The following WWOX variants were observed in gnomAD, a reference collection of about 807,000 sequenced individuals.
WWOX encodes the protein WW domain-containing oxidoreductase.
In WWOX, 69 loss-of-function variants were observed where a neutral mutation model predicts 46.2. That is an observed-to-expected ratio of 1.49 (90% CI 1.23 to 1.82). WWOX has a LOEUF of 1.82. Among genes scored for constraint, WWOX ranks in the 40% most tolerant of loss-of-function variants. WWOX has a pLI of 0.00. For missense variants in WWOX, 919 were observed against 542.6 expected (o/e 1.69, Z -6.89); for synonymous variants, 359 against 202.6 (o/e 1.77, Z -6.56).
intron 8 of WWOX, among the ~76,000 whole-genome samples, chr16:78,823,759 C>T (rs1040497175): frequency 6.7e-6 from 1 of 149,866 alleles, no homozygotes; most frequent in African/African-American, 2.5e-5. Flanking sequence ...GGATTGGCTA[C>T]CCTGAGCTTT....
intron 5 of WWOX, among the ~76,000 whole-genome samples, chr16:78,372,575 C>T (rs2151922658): frequency 6.6e-6 from 1 of 152,300 alleles, no homozygotes; most frequent in South Asian, 2.1e-4. Flanking sequence ...GTCCATTATC[C>T]TCCATGGTCC....
intron 8 of WWOX, among the ~76,000 whole-genome samples, chr16:78,882,055 G>C (rs989952188): frequency 6.7e-6 from 1 of 150,156 alleles, no homozygotes; most frequent in African/African-American, 2.5e-5. Context: ...GAGCCCGGGA[G>C]ACGGAGGTTG....
chr16:78,267,835 G>T (rs1023021518), intron 5 of WWOX, among the ~76,000 whole-genome samples: 1 of 151,966 alleles, frequency 6.6e-6, no homozygotes, highest in Non-Finnish European at 1.5e-5. Flanking sequence ...TGCCTGCCGG[G>T]TTCAAGTGAT....
intron 8 of WWOX, among the ~76,000 whole-genome samples, chr16:78,934,162 C>T (rs904134163): frequency 5.9e-5 from 9 of 151,624 alleles, no homozygotes; most frequent in South Asian, 2.1e-4. Flanking sequence ...GGTGAAACCC[C>T]GTCTCTACTA....
intron 8 of WWOX, among the ~76,000 whole-genome samples, chr16:78,590,708 A>G (rs77974348): frequency 0.01 from 1,568 of 152,268 alleles, 27 homozygotes; most frequent in African/African-American, 0.036. Flanking sequence ...GCACATCTCT[A>G]CGTTGTTGAC....
At chr16:78,625,139 T>C (rs371137132) in intron 8 of WWOX, among the ~76,000 whole-genome samples, 40 of 152,300 alleles carry the variant, frequency 2.6e-4, no homozygotes, top group African/African-American at 9.4e-4. Flanking sequence ...ACTAAAACTT[T>C]GCTGGAGAAC....
At chr16:78,747,454 C>G (rs1443832923) in intron 8 of WWOX, among the ~76,000 whole-genome samples, 1 of 152,148 alleles carries the variant, frequency 6.6e-6, no homozygotes, top group Non-Finnish European at 1.5e-5. Context: ...AAATACCCAT[C>G]ATTTATGAAG....
chr16:79,149,455 A>G (rs9924268), intron 8 of WWOX, among the ~76,000 whole-genome samples: 52,249 of 151,906 alleles, frequency 0.34, 9,233 homozygotes, highest in East Asian at 0.48. Context: ...ATAGCTCACC[A>G]ACTTTTATTC....
intron 5 of WWOX, among the ~76,000 whole-genome samples, chr16:78,248,163 G>A (rs1048018430): frequency 7.9e-5 from 12 of 152,258 alleles, no homozygotes; most frequent in African/African-American, 2.9e-4. Context: ...CAGTTCCACA[G>A]GCTGTACAGG....
chr16:79,055,453 G>A (rs1187698585), intron 8 of WWOX, among the ~76,000 whole-genome samples: 1 of 152,084 alleles, frequency 6.6e-6, no homozygotes, highest in East Asian at 1.9e-4. Flanking sequence ...CCATGTTGAA[G>A]GAAGCCCAGC....
chr16:78,988,290 GC>G (rs1342784531), intron 8 of WWOX, among the ~76,000 whole-genome samples: 1 of 150,668 alleles, frequency 6.6e-6, no homozygotes, highest in Non-Finnish European at 1.5e-5. Context: ...GTTGCAGTGA[GC>G]CAAGATCACG....
chr16:79,151,257 C>A (rs1490547422), intron 8 of WWOX, among the ~76,000 whole-genome samples: 1 of 152,168 alleles, frequency 6.6e-6, no homozygotes, highest in Non-Finnish European at 1.5e-5. Flanking sequence ...CGGTGGTTGA[C>A]TTTTCACTGC....
intron 5 of WWOX, among the ~76,000 whole-genome samples, chr16:78,336,626 C>A (rs2080895406): frequency 6.6e-6 from 1 of 151,542 alleles, no homozygotes; most frequent in South Asian, 2.1e-4. Context: ...CCCATCTGTA[C>A]TTTGGGAGGT....
chr16:78,894,266 C>G (rs1300915467), intron 8 of WWOX, among the ~76,000 whole-genome samples: 1 of 152,064 alleles, frequency 6.6e-6, no homozygotes. Context: ...TTATACAACA[C>G]ATACACACAC....
At chr16:78,766,515 G>C (rs1034024163) in intron 8 of WWOX, among the ~76,000 whole-genome samples, 1 of 152,200 alleles carries the variant, frequency 6.6e-6, no homozygotes, top group Non-Finnish European at 1.5e-5. Context: ...TTGAGCTCAG[G>C]AGGTGGAGGC....
intron 8 of WWOX, among the ~76,000 whole-genome samples, chr16:79,122,446 C>G (rs911352236): frequency 2.0e-5 from 3 of 152,126 alleles, no homozygotes; most frequent in African/African-American, 7.2e-5. Flanking sequence ...GGCATCTCTT[C>G]TTTCTTTTTC....
Position 79,201,924 on chromosome 16 carries a change from A to C in WWOX, c.1057-9684A>C, listed in dbSNP as rs973648764. On this transcript the variant is annotated intron_variant, in intron 8 of 8. Coordinates refer to ENST00000566780, the MANE Select transcript of WWOX (RefSeq NM_016373.4). ...GAAAAAGAAGAATTTTCATTTGATC[A>C]AATCATTTCCATGATCCATCAAACA... 3.3e-5 allele frequency among the ~76,000 whole-genome samples: 5 copies of C among 152,358 alleles called. No homozygotes were observed. In the South Asian group the frequency reaches 1.0e-3, roughly 32 times the overall value.
At chr16:78,413,657 A>T (rs1237890462) in intron 6 of WWOX, among the ~76,000 whole-genome samples, 2 of 151,754 alleles carry the variant, frequency 1.3e-5, no homozygotes, top group Non-Finnish European at 2.9e-5. Context: ...GCATACGAGC[A>T]GGTCACTGGG....
Position 79,212,202 on chromosome 16 carries a change from T to C in WWOX, c.*406T>C. 5.5e-6 allele frequency: 8 copies of C among 1,450,556 alleles called. No individual in the cohort carries two copies. Among genetic ancestry groups the C allele is most frequent in the Non-Finnish European group, 7.2e-6 (8 of 1,108,412 alleles). The allele number at this position is 1,450,556 out of a possible 1,614,324, so 89.9% of individuals were successfully genotyped here. On this transcript the variant is annotated 3_prime_UTR_variant, in exon 9 of 9. Transcript: ENST00000566780. ...AGCCGGGGGCTGGCCTTCTCCTACT[T>C]AGGGAAGAAAAAGCAAGTGTTCACT... is the stretch of plus-strand genomic sequence containing the variant.
Sources: allele counts gnomAD v4.1 joint callset (sites outside exome capture counted in the v4.1 genomes callset), GRCh38; gene constraint gnomAD v4.1.1; transcripts MANE v1.5; gene names NCBI Gene and HGNC (gene_info 2026-07-23, HGNC 2026-07-21).